Variants in LIMD1 observed in about 807,000 individuals in gnomAD.
LIMD1 encodes the protein LIM domain containing 1.
LIMD1 carries 23 observed loss-of-function variants against 58.4 expected under a neutral mutation model. The observed-to-expected ratio is 0.39, with a 90% CI of 0.28 to 0.56. The LOEUF is 0.56. Ranked by LOEUF, LIMD1 falls within the 20% of genes least tolerant of loss-of-function variation. The probability of loss-of-function intolerance (pLI) is 0.57; values close to 1 mark genes in which losing one functional copy is unlikely to be tolerated. For missense variants in LIMD1, 838 were observed against 855.5 expected, an observed-to-expected ratio of 0.98 and a Z score of 0.25; for synonymous variants, 334 against 345.5, an observed-to-expected ratio of 0.97 and a Z score of 0.37.
chr3:45,595,020 G>A lies in LIMD1; in HGVS notation c.141G>A (p.Val47=), dbSNP rs781729504. 1.2e-6 allele frequency: 2 copies of A among 1,614,014 alleles called. No individual in the cohort carries two copies. Among genetic ancestry groups the A allele is most frequent in the East Asian group, 2.2e-5 (1 of 44,882 alleles). ...CCGAGTTTGAGGAAACTCGCAGGGT[G>A]TTCGCCACCAAGATGGCCAAAATCC... is the stretch of plus-strand genomic sequence containing the variant. ...NNPEFEETRR[V]FATKMAKIHL... Residue 47 remains valine, a synonymous_variant, in exon 1 of 8, where the codon GTG becomes GTA. Transcript: ENST00000273317.
rs375510428 is a variant in LIMD1, at chr3:45,595,972, G to A, written c.1093G>A (p.Val365Ile). 4 of 1,614,086 alleles carry A rather than the reference G, an allele frequency of 2.5e-6. No individual in the cohort carries two copies. The highest frequency in any genetic ancestry group is 3.4e-6 in the Non-Finnish European group (4 of 1,180,046). Residue 365 changes from valine (V) to isoleucine (I), a missense_variant, in exon 1 of 8, where the codon GTC (valine) becomes ATC (isoleucine). Transcript: ENST00000273317. ...TCTGGACGGTTCACAGCAGGGTGCG[G>A]TCCCTGGGCTGGGGCCGAAGCCTGG... ...AGLDGSQQGA[V>I]PGLGPKPGCT...
Position 45,673,410 on chromosome 3 carries a change from G to C in LIMD1, c.1773-44G>C, listed in dbSNP as rs767101588. ...AAGTGCAAGTCTGACTCTGGAATTTGCTCCCAGAAGCAACATTTATTGCTG... is the reference window on the plus strand; with the variant it reads ...AAGTGCAAGTCTGACTCTGGAATTTCCTCCCAGAAGCAACATTTATTGCTG... On this transcript the variant is annotated intron_variant, in intron 5 of 7. Transcript: ENST00000273317. 17 of 1,555,932 alleles carry C rather than the reference G, an allele frequency of 1.1e-5. No individual in the cohort carries two copies. The South Asian group carries it at 1.9e-4, about 17-fold the overall frequency.
chr3:45,636,794 G>GCT (rs1701793329), intron 2 of LIMD1, among the ~76,000 whole-genome samples: 1 of 152,142 alleles, frequency 6.6e-6, no homozygotes, highest in Non-Finnish European at 1.5e-5. Context: ...ACACACCTGT[G>GCT]GGCATCTTTG....
At chr3:45,648,020 G>T (rs751655927) in intron 2 of LIMD1, among the ~76,000 whole-genome samples, 1 of 151,962 alleles carries the variant, frequency 6.6e-6, no homozygotes, top group Non-Finnish European at 1.5e-5. Context: ...CCCTTCATTT[G>T]CCTGTCCTAT....
chr3:45,661,123 C>A (rs1162546874), intron 2 of LIMD1, among the ~76,000 whole-genome samples: 1 of 152,132 alleles, frequency 6.6e-6, no homozygotes, highest in East Asian at 1.9e-4. Flanking sequence ...TATGTAAGTC[C>A]TATTATCCCT....
rs140896883 is a variant in LIMD1, at chr3:45,661,682, C to G, written c.1511-3968C>G. 2.8e-3 allele frequency among the ~76,000 whole-genome samples: 421 copies of G among 152,316 alleles called. 11 individuals carry two copies. In the East Asian group the frequency reaches 0.051, roughly 18 times the overall value. On this transcript the variant is annotated intron_variant, in intron 2 of 7. Coordinates refer to ENST00000273317, the MANE Select transcript of LIMD1 (RefSeq NM_014240.3). ...AGAGTGTGAACAAGTATCTGTTTGT[C>G]TGTGTCATTACTAACACTGGGGTTA...
intron 2 of LIMD1, among the ~76,000 whole-genome samples, chr3:45,641,154 T>C (rs898931266): frequency 4.6e-5 from 7 of 152,062 alleles, no homozygotes; most frequent in Admixed American, 6.6e-5. Flanking sequence ...ATCTAGGGCA[T>C]CCCCTCCTTC....
chr3:45,615,340 CTTTTA>C lies in LIMD1; in HGVS notation c.1408+19063_1408+19067del, dbSNP rs202230959. Among the ~76,000 whole-genome samples, 13 of 152,194 alleles carry C rather than the reference CTTTTA, an allele frequency of 8.5e-5. No homozygotes were observed. The East Asian group carries it at 2.3e-3, about 27-fold the overall frequency. Reference sequence around the variant, plus strand: ...TTTTCTCATGGTACAGGGAGGGCACCTTTTATTTTATTTTGTATTTTATTTGTATG... The same window carrying C: ...TTTTCTCATGGTACAGGGAGGGCACCTTTTATTTTGTATTTTATTTGTATG... On this transcript the variant is annotated intron_variant, in intron 1 of 7. Coordinates refer to ENST00000273317, the MANE Select transcript of LIMD1 (RefSeq NM_014240.3).
chr3:45,619,529 T>G (rs1319190403), intron 1 of LIMD1, among the ~76,000 whole-genome samples: 1 of 152,182 alleles, frequency 6.6e-6, no homozygotes, highest in East Asian at 1.9e-4. Flanking sequence ...CTGGGCATGG[T>G]GGATCACGCC....
intron 2 of LIMD1, among the ~76,000 whole-genome samples, chr3:45,663,463 G>A (rs543069009): frequency 2.8e-4 from 42 of 152,266 alleles, no homozygotes; most frequent in Non-Finnish European, 5.6e-4. Context: ...CATGCTATTA[G>A]ATTTAGTAAT....
At chr3:45,641,490 T>C (rs1012440962) in intron 2 of LIMD1, among the ~76,000 whole-genome samples, 1 of 148,608 alleles carries the variant, frequency 6.7e-6, no homozygotes, top group African/African-American at 2.4e-5. Flanking sequence ...AGCCAGATTT[T>C]ATATATAATT....
At chr3:45,653,921 A>AG (rs1332447179) in intron 2 of LIMD1, among the ~76,000 whole-genome samples, 9 of 145,434 alleles carry the variant, frequency 6.2e-5, no homozygotes, top group Non-Finnish European at 1.1e-4. Flanking sequence ...AAAAAAAAAA[A>AG]AAAAAGAAAA....
intron 2 of LIMD1, among the ~76,000 whole-genome samples, chr3:45,653,447 G>A (rs1701994170): frequency 6.6e-6 from 1 of 152,202 alleles, no homozygotes; most frequent in African/African-American, 2.4e-5. Flanking sequence ...TTCAGGGAAG[G>A]GGCAAAGGCA....
Position 45,595,472 on chromosome 3 carries a change from C to G in LIMD1, c.593C>G (p.Pro198Arg). 2 of 1,613,854 alleles carry G rather than the reference C, an allele frequency of 1.2e-6. No homozygotes were observed. Among genetic ancestry groups the G allele is most frequent in the Non-Finnish European group, 1.7e-6 (2 of 1,179,856 alleles). Residue 198 changes from proline (P) to arginine (R), a missense_variant, in exon 1 of 8, where the codon CCC (proline) becomes CGC (arginine). By Grantham distance (103) the Pro-to-Arg change is moderately radical. Around this residue, in one of 3 missense-constraint regions of LIMD1, gnomAD observed 659 missense variants for 639.8 expected, o/e 1.03. Transcript: ENST00000273317. ...PKWGDKPGVS[P>R]SIGLSVGSGW... ...TGGGGTGACAAACCAGGAGTGTCCC[C>G]CAGCATCGGCCTGAGTGTAGGGAGT...
chr3:45,652,872 A>G (rs1403361083), intron 2 of LIMD1, among the ~76,000 whole-genome samples: 1 of 152,242 alleles, frequency 6.6e-6, no homozygotes, highest in African/African-American at 2.4e-5. Flanking sequence ...CCAGACGATA[A>G]TAGCCTGGAA....
chr3:45,642,485 G>A (rs748871698), intron 2 of LIMD1, among the ~76,000 whole-genome samples: 2 of 152,190 alleles, frequency 1.3e-5, no homozygotes, highest in Non-Finnish European at 2.9e-5. Flanking sequence ...CTGCTGCAAA[G>A]ACAATTTTAA....
chr3:45,639,274 T>C (rs1040777870), intron 2 of LIMD1, among the ~76,000 whole-genome samples: 23 of 152,340 alleles, frequency 1.5e-4, no homozygotes, highest in African/African-American at 5.5e-4. Context: ...CTTGCTCTAT[T>C]TTTCAGGAAA....
At chr3:45,647,959 C>T (rs1194479095) in intron 2 of LIMD1, among the ~76,000 whole-genome samples, 1 of 152,166 alleles carries the variant, frequency 6.6e-6, no homozygotes, top group Non-Finnish European at 1.5e-5. Context: ...CCTTCAGTGT[C>T]TTCCATTGCC....
chr3:45,615,712 C>G (rs1029761600), intron 1 of LIMD1, among the ~76,000 whole-genome samples: 1 of 151,766 alleles, frequency 6.6e-6, no homozygotes, highest in Non-Finnish European at 1.5e-5. Flanking sequence ...TCCATAGTCA[C>G]GCCTGTGTAC....
Sources: gnomAD v4.1 joint callset for allele counts (sites outside exome capture counted in the v4.1 genomes callset) on GRCh38, gnomAD v4.1.1 for gene constraint, gnomAD v4.1.1 regional missense constraint, MANE v1.5 for transcripts, NCBI Gene and HGNC (gene_info 2026-07-23, HGNC 2026-07-21) for gene names.